The following FOLH1 variants were observed in gnomAD, a reference collection of about 807,000 sequenced individuals.
FOLH1 encodes folate hydrolase 1.
Under a neutral mutation model 93.9 loss-of-function variants are expected in FOLH1, and 54 were observed. The ratio of observed to expected loss-of-function variants is 0.57; its 90% CI spans 0.46 to 0.72. The LOEUF is 0.72. FOLH1 is among the 30% of genes least tolerant of loss of function. FOLH1 has a pLI of 0.00. For missense variants in FOLH1, 571 were observed against 892.5 expected (o/e 0.64, Z 4.59); for synonymous variants, 249 against 303.6 (o/e 0.82, Z 1.87).
chr11:49,165,418 A>C (rs1858267421), intron 12 of FOLH1, among the ~76,000 whole-genome samples: 1 of 152,138 alleles, frequency 6.6e-6, no homozygotes, highest in Non-Finnish European at 1.5e-5. Flanking sequence ...CTCTTCTTAG[A>C]GTTTCAGTCC....
At chr11:49,198,025 T>C (rs1862813814) in intron 3 of FOLH1, among the ~76,000 whole-genome samples, 1 of 152,040 alleles carries the variant, frequency 6.6e-6, no homozygotes, top group South Asian at 2.1e-4. Flanking sequence ...CTAACACTAT[T>C]CAGGAAAATC....
At chr11:49,163,686 C>G (rs1858025263) in intron 13 of FOLH1, among the ~76,000 whole-genome samples, 2 of 151,738 alleles carry the variant, frequency 1.3e-5, no homozygotes, top group South Asian at 4.2e-4. Context: ...GGTCTAACCT[C>G]CTGCTGTGCT....
intron 3 of FOLH1, among the ~76,000 whole-genome samples, chr11:49,198,558 T>C (rs1001779718): frequency 6.6e-6 from 1 of 152,070 alleles, no homozygotes; most frequent in Non-Finnish European, 1.5e-5. Flanking sequence ...ATTCTCAAAT[T>C]TGATAGATCA....
At chr11:49,175,814 T>A (rs1208760510) in intron 8 of FOLH1, 45 bp downstream of exon 8, 1 of 1,544,338 alleles carries the variant, frequency 6.5e-7, no homozygotes, top group East Asian at 2.3e-5. Context: ...TTTTTTTCTT[T>A]AAGTCTCCCC....
chr11:49,183,124 C>T (rs371765398), intron 7 of FOLH1, 25 bp downstream of exon 7: 7 of 1,557,018 alleles, frequency 4.5e-6, no homozygotes, highest in Admixed American at 2.0e-5. Flanking sequence ...CCCAAATAGC[C>T]ATCCATGGTT....
rs756233912 is a variant in FOLH1, at chr11:49,200,457, T to A, written c.225-16A>T. 5 of 1,611,988 alleles carry A rather than the reference T, an allele frequency of 3.1e-6. No homozygotes were observed. In the African/African-American group the frequency reaches 6.7e-5, roughly 22 times the overall value. ...TGTAAAATTACTGGTGAACAAAAAT[T>A]GAAAGTGGTTAGATATTAATGTTTA... On this transcript the variant is annotated splice_polypyrimidine_tract_variant and intron_variant, in intron 2 of 18. Transcript: ENST00000256999.
chr11:49,155,990 T>C (rs538844528), intron 15 of FOLH1, among the ~76,000 whole-genome samples: 6 of 151,432 alleles, frequency 4.0e-5, no homozygotes, highest in East Asian at 2.0e-4. Flanking sequence ...AATTGAATCA[T>C]GGGGGACGAG....
At chr11:49,154,020 A>AT (rs1227757627) in intron 16 of FOLH1, 93 bp from the exon 17 acceptor site, 1 of 1,327,148 alleles carries the variant, frequency 7.5e-7, no homozygotes, top group East Asian at 2.3e-5. Flanking sequence ...TATAGAAGCC[A>AT]TCATCTTTTG....
intron 3 of FOLH1, among the ~76,000 whole-genome samples, chr11:49,197,501 T>C (rs2135290193): frequency 6.6e-6 from 1 of 152,336 alleles, no homozygotes; most frequent in African/African-American, 2.4e-5. Flanking sequence ...TAGTTAAATC[T>C]TTATGGGATG....
intron 2 of FOLH1, 26 bp downstream of exon 2, chr11:49,206,041 A>G (rs1373793644): frequency 6.3e-7 from 1 of 1,596,846 alleles, no homozygotes; most frequent in East Asian, 2.2e-5. Flanking sequence ...CAACTTGTCC[A>G]TATAAACTTT....
chr11:49,201,386 T>A (rs903111948), intron 2 of FOLH1, among the ~76,000 whole-genome samples: 4 of 150,984 alleles, frequency 2.6e-5, no homozygotes, highest in Admixed American at 6.6e-5. Flanking sequence ...ATAACCAACA[T>A]GACTATGATA....
At chr11:49,147,433 A>T (rs1471981027) in intron 18 of FOLH1, among the ~76,000 whole-genome samples, 3 of 108,648 alleles carry the variant, frequency 2.8e-5, no homozygotes, top group Non-Finnish European at 5.5e-5. Context: ...TGATCAGCCA[A>T]CCCTCTATTG....
rs774516424 is a variant in FOLH1, at chr11:49,208,289, T to G, written c.118+3A>C. On this transcript the variant is annotated splice_donor_region_variant and intron_variant, in intron 1 of 18. Coordinates refer to ENST00000256999, the MANE Select transcript of FOLH1 (RefSeq NM_004476.3). ...AGGTTTGCTCCGCGAGGCGCCCCCCTACCGAAGAGGAAGCCGAGGAGAAAG... is the reference window on the plus strand; with the variant it reads ...AGGTTTGCTCCGCGAGGCGCCCCCCGACCGAAGAGGAAGCCGAGGAGAAAG... The G allele has an allele frequency of 1.2e-4, 182 of 1,549,414 alleles. No homozygotes were observed. Among genetic ancestry groups the G allele is most frequent in the Non-Finnish European group, 1.6e-4 (178 of 1,143,104 alleles).
chr11:49,169,133 A>G, intron 12 of FOLH1, 62 bp downstream of exon 12: 1 of 1,569,806 alleles, frequency 6.4e-7, no homozygotes. Flanking sequence ...TGCATAATTT[A>G]TTAACTAGAC....
At chr11:49,153,144 T>TACTTTAAAAAAATTAC (rs1856656988) in intron 17 of FOLH1, among the ~76,000 whole-genome samples, 2 of 152,252 alleles carry the variant, frequency 1.3e-5, no homozygotes, top group Non-Finnish European at 2.9e-5. Context: ...CTCAAAATTA[T>TACTTTAAAAAAATTAC]ACTTTAAAAA....
chr11:49,202,566 A>T (rs1863386249), intron 2 of FOLH1, among the ~76,000 whole-genome samples: 1 of 152,206 alleles, frequency 6.6e-6, no homozygotes, highest in Non-Finnish European at 1.5e-5. Context: ...TTTTGTAGAG[A>T]CAGAGTCTCA....
intron 8 of FOLH1, among the ~76,000 whole-genome samples, chr11:49,175,379 T>C (rs1466906381): frequency 6.6e-6 from 1 of 152,164 alleles, no homozygotes; most frequent in Non-Finnish European, 1.5e-5. Flanking sequence ...ACAAAGCCTG[T>C]GCAGATAAAG....
intron 10 of FOLH1, among the ~76,000 whole-genome samples, chr11:49,173,009 T>C (rs1859538744): frequency 6.6e-6 from 1 of 152,332 alleles, no homozygotes; most frequent in Middle Eastern, 3.4e-3. Flanking sequence ...GAGGAACGTC[T>C]GCTTACAGTC....
intron 7 of FOLH1, among the ~76,000 whole-genome samples, chr11:49,180,794 T>C (rs1730129995): frequency 6.6e-6 from 1 of 152,192 alleles, no homozygotes; most frequent in African/African-American, 2.4e-5. Flanking sequence ...TTAGAAAGTA[T>C]AGGTGGATAA....
Sources: gnomAD v4.1 joint callset for allele counts (sites outside exome capture counted in the v4.1 genomes callset) on GRCh38, gnomAD v4.1.1 for gene constraint, MANE v1.5 for transcripts, NCBI Gene and HGNC (gene_info 2026-07-23, HGNC 2026-07-21) for gene names.